PTPN14: variants seen among roughly 807,000 people sequenced by gnomAD.
PTPN14 encodes tyrosine-protein phosphatase non-receptor type 14.
A neutral mutation model predicts 126.8 loss-of-function variants in PTPN14; 53 were observed. The ratio of observed to expected loss-of-function variants is 0.42; its 90% CI spans 0.34 to 0.53. The LOEUF is 0.53. Ranked by LOEUF, PTPN14 falls within the 20% of genes least tolerant of loss-of-function variation. The pLI is 0.08. For synonymous variants in PTPN14, 630 were observed against 599.3 expected (o/e 1.05, Z -0.75); for missense variants, 1,257 against 1,552.9 (o/e 0.81, Z 3.20).
intron 3 of PTPN14, among the ~76,000 whole-genome samples, chr1:214,448,397 A>ATTTTTTTTTTTTTTT (rs34637675): frequency 7.5e-6 from 1 of 133,528 alleles, no homozygotes; most frequent in Non-Finnish European, 1.6e-5. Context: ...AGCCGGGCTA[A>ATTTTTTTTTTTTTTT]TTTTTTTTTT....
intron 1 of PTPN14, chr1:214,528,443 T>C (rs934243874): frequency 6.6e-6 from 1 of 152,108 alleles, no homozygotes; most frequent in African/African-American, 2.4e-5. Flanking sequence ...AAAGTGTGAC[T>C]AAAAAGATAA....
chr1:214,373,742 C>T (rs1397615405), intron 15 of PTPN14, among the ~76,000 whole-genome samples: 1 of 151,916 alleles, frequency 6.6e-6, no homozygotes, highest in Non-Finnish European at 1.5e-5. Flanking sequence ...CCTTTTGGAG[C>T]ACTATCTTTC....
At chr1:214,385,991 G>A (rs187702983) in intron 12 of PTPN14, among the ~76,000 whole-genome samples, 105 of 152,308 alleles carry the variant, frequency 6.9e-4, no homozygotes, top group South Asian at 2.3e-3. Flanking sequence ...ATGGCCAGGA[G>A]TTGATAACGT....
intron 1 of PTPN14, among the ~76,000 whole-genome samples, chr1:214,489,705 G>A (rs1661189523): frequency 6.6e-6 from 1 of 152,182 alleles, no homozygotes; most frequent in Non-Finnish European, 1.5e-5. Context: ...TGCAGCTCCA[G>A]AGCCTCGTAG....
At chr1:214,429,577 A>C (rs922497436) in intron 3 of PTPN14, among the ~76,000 whole-genome samples, 2 of 152,206 alleles carry the variant, frequency 1.3e-5, no homozygotes, top group East Asian at 3.8e-4. Flanking sequence ...ATTACCAGTA[A>C]CCAGAAGTTT....
At chr1:214,523,656 C>G (rs1392794733) in intron 1 of PTPN14, among the ~76,000 whole-genome samples, 1 of 152,118 alleles carries the variant, frequency 6.6e-6, no homozygotes, top group Non-Finnish European at 1.5e-5. Flanking sequence ...ACTAGGGGCC[C>G]TGAGTGCAGT....
Position 214,364,395 on chromosome 1 carries a change from C to T in PTPN14, c.3435+117G>A. 1.5e-6 allele frequency: 2 copies of T among 1,346,084 alleles called. No homozygotes were observed. The highest frequency in any genetic ancestry group is 2.0e-6 in the Non-Finnish European group (2 of 993,002). The allele number at this position is 1,346,084 out of a possible 1,614,324, so 83.4% of individuals were successfully genotyped here. ...CTAGGAACCAGGAGCCTGGAAAACTCTGGTTGGGAGACAGGAAATTAACCA... is the reference window on the plus strand; with the variant it reads ...CTAGGAACCAGGAGCCTGGAAAACTTTGGTTGGGAGACAGGAAATTAACCA... On this transcript the variant is annotated intron_variant, in intron 18 of 18. Transcript: ENST00000366956. This position sits in a 1 kb window ranked among gnomAD's most constrained non-coding sequence, Gnocchi z 4.1.
chr1:214,531,112 C>G (rs958794835), intron 1 of PTPN14: 4 of 152,050 alleles, frequency 2.6e-5, no homozygotes, highest in African/African-American at 9.7e-5. Flanking sequence ...AAAAAAAATC[C>G]GAAGACTTTC....
intron 5 of PTPN14, among the ~76,000 whole-genome samples, chr1:214,409,428 T>A (rs1203445029): frequency 6.6e-6 from 1 of 152,226 alleles, no homozygotes; most frequent in Non-Finnish European, 1.5e-5. Context: ...CCAAATAGTA[T>A]TCCATTGTGA....
chr1:214,373,767 G>A (rs528584876), intron 15 of PTPN14, among the ~76,000 whole-genome samples: 1 of 152,078 alleles, frequency 6.6e-6, no homozygotes, highest in Admixed American at 6.5e-5. Flanking sequence ...GTGGATCTGA[G>A]ATGAAGTGTA....
chr1:214,531,095 T>G (rs975953880), intron 1 of PTPN14: 11 of 152,128 alleles, frequency 7.2e-5, no homozygotes, highest in Non-Finnish European at 1.6e-4. Context: ...ATAAAATCCA[T>G]TACAGGAAAA....
At chr1:214,519,822 G>A (rs976914431) in intron 1 of PTPN14, among the ~76,000 whole-genome samples, 2 of 151,908 alleles carry the variant, frequency 1.3e-5, no homozygotes, top group African/African-American at 4.8e-5. Context: ...GGCCAAGGGG[G>A]GCGGACGGCT....
At chr1:214,439,135 A>G (rs1659983261) in intron 3 of PTPN14, among the ~76,000 whole-genome samples, 1 of 151,764 alleles carries the variant, frequency 6.6e-6, no homozygotes, top group African/African-American at 2.4e-5. Flanking sequence ...TTCCTTGAAG[A>G]TTAAACCAAA....
chr1:214,400,760 A>G (rs1194608989), intron 7 of PTPN14, among the ~76,000 whole-genome samples: 1 of 152,234 alleles, frequency 6.6e-6, no homozygotes, highest in Non-Finnish European at 1.5e-5. Flanking sequence ...AAGGGCAGCT[A>G]TTAGAGAAGC....
intron 4 of PTPN14, 38 bp from the exon 5 acceptor site, chr1:214,411,789 T>C (rs766641924): frequency 7.4e-6 from 10 of 1,356,230 alleles, no homozygotes; most frequent in Admixed American, 4.3e-5. Context: ...GTATTTATTA[T>C]ATGAAATTAA....
intron 1 of PTPN14, among the ~76,000 whole-genome samples, chr1:214,505,022 T>A (rs771980843): frequency 4.6e-5 from 7 of 152,054 alleles, no homozygotes; most frequent in South Asian, 2.1e-4. Context: ...AGTAGATGAA[T>A]TCTGTCTAAG....
chr1:214,358,625 T>C (rs1403631076), intron 18 of PTPN14, among the ~76,000 whole-genome samples: 1 of 152,228 alleles, frequency 6.6e-6, no homozygotes, highest in Non-Finnish European at 1.5e-5. Flanking sequence ...CCCTAGTTAG[T>C]TACATTTCCT....
At chr1:214,374,628 A>G (rs1658299184) in intron 15 of PTPN14, among the ~76,000 whole-genome samples, 1 of 152,250 alleles carries the variant, frequency 6.6e-6, no homozygotes, top group South Asian at 2.1e-4. Flanking sequence ...AGGGGGGAAA[A>G]CACTGGCAAA....
At chr1:214,533,035 G>A (rs1655594525) in intron 1 of PTPN14, 15 of 748,842 alleles carry the variant, frequency 2.0e-5, no homozygotes, top group Non-Finnish European at 2.9e-5. Flanking sequence ...CACCCAGTCC[G>A]CCCAGGTTGG....
Sources: gnomAD v4.1 joint callset for allele counts (sites outside exome capture counted in the v4.1 genomes callset) on GRCh38, gnomAD v4.1.1 for gene constraint, Gnocchi (gnomAD v3.1) non-coding constraint, MANE v1.5 for transcripts, NCBI Gene and HGNC (gene_info 2026-07-23, HGNC 2026-07-21) for gene names.